The following SLC4A1 variants were observed in gnomAD, a reference collection of about 807,000 sequenced individuals.
The protein encoded by SLC4A1 is solute carrier family 4 member 1 (Diego blood group), also known as band 3 anion transport protein.
A neutral mutation model predicts 93.1 loss-of-function variants in SLC4A1; 29 were observed. That is an observed-to-expected ratio of 0.31 (90% confidence interval 0.23 to 0.42). The LOEUF (loss-of-function observed/expected upper bound fraction) is 0.42. Among genes scored for constraint, SLC4A1 ranks in the 20% least tolerant of loss-of-function variants. SLC4A1 has a pLI of 1.00. For missense variants in SLC4A1, 965 were observed against 1,190.1 expected, an observed-to-expected ratio of 0.81 and a Z score of 2.78; for synonymous variants, 469 against 497.2, an observed-to-expected ratio of 0.94 and a Z score of 0.76.
intron 17 of SLC4A1, 77 bp from the exon 18 acceptor site, chr17:44,251,665 G>C: frequency 7.3e-7 from 1 of 1,372,656 alleles, no homozygotes; most frequent in East Asian, 2.3e-5. Flanking sequence ...CCTATCTGGG[G>C]CTGGGAATAA....
At position 44,262,952 on chromosome 17, in the gene SLC4A1, G is replaced by T; in HGVS notation, c.-68-18C>A. On this transcript the variant is annotated intron_variant, in intron 1 of 19. Transcript: ENST00000262418. Reference sequence around the variant, plus strand: ...GCGGGTCCCTGCAGCAGAGGGCACAGGCTGAGTGGGGCACAGGGCATCCCA... The same window carrying T: ...GCGGGTCCCTGCAGCAGAGGGCACATGCTGAGTGGGGCACAGGGCATCCCA... 6.2e-7 allele frequency: 1 copy of T among 1,606,976 alleles called. No individual in the cohort carries two copies. Among genetic ancestry groups the T allele is most frequent in the Non-Finnish European group, 8.5e-7 (1 of 1,177,508 alleles).
At chr17:44,260,062 C>T in intron 6 of SLC4A1, 130 bp from the exon 7 acceptor site, 1 of 1,218,270 alleles carries the variant, frequency 8.2e-7, no homozygotes, top group Non-Finnish European at 1.2e-6. Context: ...ACTTCCCAGA[C>T]CAGACCAGAG....
At chr17:44,259,649 C>G in intron 7 of SLC4A1, 68 bp from the exon 8 acceptor site, 1 of 1,514,762 alleles carries the variant, frequency 6.6e-7, no homozygotes, top group East Asian at 2.3e-5. Flanking sequence ...AGCATCCTCC[C>G]CTTCCCATTC....
Position 44,258,402 on chromosome 17 carries a change from A to C in SLC4A1, c.1087+11T>G, listed in dbSNP as rs2047409824. 6.2e-7 allele frequency: 1 copy of C among 1,613,560 alleles called. No individual in the cohort carries two copies. The highest frequency in any genetic ancestry group is 1.3e-5 in the African/African-American group (1 of 74,998). ...GGGGCTCAGAAAGCCTCAGCTGGGA[A>C]GGGCAGGTACCTAGGCCCTTGTAGA... is the stretch of plus-strand genomic sequence containing the variant. On this transcript the variant is annotated intron_variant, in intron 10 of 19. Transcript: ENST00000262418. This position sits in a 1 kb window ranked among gnomAD's most constrained non-coding sequence, Gnocchi z 6.1.
intron 7 of SLC4A1, 94 bp downstream of exon 7, chr17:44,259,715 C>A: frequency 1.3e-6 from 2 of 1,590,940 alleles, no homozygotes; most frequent in Middle Eastern, 3.3e-4. Context: ...TGGTCCCCTG[C>A]TTGTGGTCGG....
At chr17:44,264,407 A>G (rs954218797) in intron 1 of SLC4A1, among the ~76,000 whole-genome samples, 4 of 152,320 alleles carry the variant, frequency 2.6e-5, no homozygotes, top group South Asian at 2.1e-4. Context: ...GCAGTGAGCC[A>G]AGATGGCACC....
intron 1 of SLC4A1, among the ~76,000 whole-genome samples, chr17:44,267,025 G>A (rs1220509497): frequency 6.6e-6 from 1 of 152,192 alleles, no homozygotes; most frequent in Admixed American, 6.5e-5. Flanking sequence ...AGGAAGAAGA[G>A]TAATGTCATT....
At chr17:44,263,720 TCC>T (rs2047470802) in intron 1 of SLC4A1, among the ~76,000 whole-genome samples, 1 of 146,426 alleles carries the variant, frequency 6.8e-6, no homozygotes. Context: ...CTTCCTTCCT[TCC>T]TTCCTTCCTT....
In SLC4A1 at chr17:44,268,112, A is replaced by T; in HGVS notation, c.-127T>A. ...CCTGCAGCCGCTGGTGCCCTCTGCG[A>T]CCAGCTACGTTCCCACTCGTTCTGA... On this transcript the variant is annotated 5_prime_UTR_variant, in exon 1 of 20. Transcript: ENST00000262418. 1.0e-6 allele frequency: 1 copy of T among 985,334 alleles called. No individual in the cohort carries two copies. Among genetic ancestry groups the T allele is most frequent in the East Asian group, 1.1e-4 (1 of 8,780 alleles). 61.0% of individuals were successfully genotyped at this position (985,334 alleles called of 1,614,324 possible).
chr17:44,252,060 T>C (rs1231333952), intron 17 of SLC4A1, among the ~76,000 whole-genome samples: 1 of 137,656 alleles, frequency 7.3e-6, no homozygotes, highest in Non-Finnish European at 1.6e-5. Flanking sequence ...TTTTTTTTTT[T>C]TTTTTTTTTT....
Position 44,251,252 on chromosome 17 carries a change from C to T in SLC4A1, c.2562G>A (p.Pro854=), listed in dbSNP as rs767407737. Residue 854 remains proline (P), a synonymous_variant, in exon 19 of 20, where the codon CCG becomes CCA. Transcript: ENST00000262418. ...LAVLWVVKST[P]ASLALPFVLI... ...GGACGAAGGGCAGGGCCAGGGAGGC[C>T]GGCGTGGACTTCACCACCCACAGCA... 16 of 1,614,090 alleles carry T rather than the reference C, an allele frequency of 9.9e-6. No homozygotes were observed. The highest frequency in any genetic ancestry group is 2.2e-5 in the South Asian group (2 of 91,090).
At chr17:44,261,347 C>T (rs1029922163) in intron 4 of SLC4A1, among the ~76,000 whole-genome samples, 10 of 152,200 alleles carry the variant, frequency 6.6e-5, no homozygotes, top group African/African-American at 2.4e-4. Flanking sequence ...GGGACTCAGC[C>T]CTTGTCAATC....
At chr17:44,265,222 A>AG (rs1167207234) in intron 1 of SLC4A1, among the ~76,000 whole-genome samples, 5 of 152,070 alleles carry the variant, frequency 3.3e-5, no homozygotes, top group African/African-American at 1.2e-4. Context: ...GGGCAGCCTC[A>AG]GTGCTTCCGA....
intron 19 of SLC4A1, among the ~76,000 whole-genome samples, 194 bp from the exon 20 acceptor site, chr17:44,250,732 G>C (rs1042513606): frequency 1.3e-5 from 2 of 152,204 alleles, no homozygotes; most frequent in African/African-American, 2.4e-5. Flanking sequence ...CAACCCCGGG[G>C]ATGTGGACCC....
chr17:44,259,150 G>A lies in SLC4A1; in HGVS notation c.876+13C>T, dbSNP rs371401435. 5.1e-5 allele frequency: 82 copies of A among 1,613,498 alleles called. No individual in the cohort carries two copies. The highest frequency in any genetic ancestry group is 2.3e-4 in the African/African-American group (17 of 74,916). On this transcript the variant is annotated intron_variant, in intron 9 of 19. Coordinates refer to ENST00000262418, the MANE Select transcript of SLC4A1 (RefSeq NM_000342.4). The stretch of plus-strand genomic sequence containing the variant: ...AAGCTTCCCCAGCCCAGCCCTCTCC[G>A]GCCCTTCCTTACCCTCTCTGACATG...
chr17:44,256,826 C>T (rs1047230663), intron 13 of SLC4A1, among the ~76,000 whole-genome samples: 1 of 152,246 alleles, frequency 6.6e-6, no homozygotes, highest in Non-Finnish European at 1.5e-5. Flanking sequence ...AACACAGCTG[C>T]ACAGTCCTGT....
chr17:44,252,383 G>T (rs947094797), intron 17 of SLC4A1, among the ~76,000 whole-genome samples: 2 of 152,066 alleles, frequency 1.3e-5, no homozygotes, highest in Admixed American at 1.3e-4. Context: ...GAGGAAACAG[G>T]CTCAGAGAGG....
Position 44,254,521 on chromosome 17 carries a change from T to G in SLC4A1, c.2032A>C (p.Ile678Leu). The G allele has an allele frequency of 3.2e-6, 5 of 1,584,014 alleles. No homozygotes were observed. Among genetic ancestry groups the G allele is most frequent in the Non-Finnish European group, 4.3e-6 (5 of 1,161,744 alleles). Residue 678 changes from isoleucine (I) to leucine (L), a missense_variant, in exon 16 of 20, where the codon ATA becomes CTA. By Grantham distance (5) the Ile-to-Leu change is conservative. Coordinates refer to ENST00000262418, the MANE Select transcript of SLC4A1 (RefSeq NM_000342.4). ...GTGGTGATCTGAGACTCCAGGAATA[T>G]GAGGATGAAGACCAGCAGAGCAGGC... The part of the protein sequence containing the change: ...ALPALLVFIL[I>L]FLESQITTLI...
At chr17:44,262,785 T>C in intron 2 of SLC4A1, 59 bp from the exon 3 acceptor site, 1 of 1,608,184 alleles carries the variant, frequency 6.2e-7, no homozygotes, top group Non-Finnish European at 8.5e-7. Context: ...CCAACGAAGA[T>C]AGGAGTCTAG....
Sources: allele counts gnomAD v4.1 joint callset (sites outside exome capture counted in the v4.1 genomes callset), GRCh38; gene constraint gnomAD v4.1.1; non-coding constraint Gnocchi (gnomAD v3.1); transcripts MANE v1.5; gene names NCBI Gene and HGNC (gene_info 2026-07-23, HGNC 2026-07-21).